The following TMC1 variants were observed in gnomAD, a reference collection of about 807,000 sequenced individuals.
The protein encoded by TMC1 is transmembrane channel-like protein 1.
Under a neutral mutation model 105.8 loss-of-function variants are expected in TMC1, and 84 were observed. The observed-to-expected ratio is 0.79, with a 90% CI of 0.67 to 0.95. The LOEUF is 0.95. TMC1 is among the 40% of genes least tolerant of loss of function. TMC1 has a pLI of 0.00. For missense variants in TMC1, 817 were observed against 914.1 expected, an observed-to-expected ratio of 0.89 and a Z score of 1.37; for synonymous variants, 315 against 311.5, an observed-to-expected ratio of 1.01 and a Z score of -0.12.
intron 7 of TMC1, among the ~76,000 whole-genome samples, chr9:72,695,862 A>T (rs1422204884): frequency 6.6e-6 from 1 of 152,038 alleles, no homozygotes; most frequent in Non-Finnish European, 1.5e-5. Context: ...TTGCTTTTAA[A>T]TTTTGACTCT....
At chr9:72,598,077 A>G (rs557914124) in intron 2 of TMC1, among the ~76,000 whole-genome samples, 4 of 152,224 alleles carry the variant, frequency 2.6e-5, no homozygotes, top group Non-Finnish European at 4.4e-5. Flanking sequence ...GATATTGTCA[A>G]TGGAAAATGG....
intron 2 of TMC1, among the ~76,000 whole-genome samples, chr9:72,580,557 A>AGTGTGTGT (rs112783067): frequency 2.0e-4 from 30 of 150,102 alleles, no homozygotes; most frequent in South Asian, 8.4e-4. Context: ...ACAGTGAAGC[A>AGTGTGTGT]GTGTGTGTGT....
intron 21 of TMC1, 57 bp from the exon 22 acceptor site, chr9:72,830,394 A>T: frequency 8.7e-7 from 1 of 1,150,734 alleles, no homozygotes; most frequent in Non-Finnish European, 1.3e-6. Flanking sequence ...AAATTTAAGA[A>T]GTATCTTGGG....
rs114761985 is a variant in TMC1, at chr9:72,539,331, A to G, written c.-428+17418A>G. On this transcript the variant is annotated intron_variant, in intron 1 of 23. Coordinates refer to ENST00000297784, the MANE Select transcript of TMC1 (RefSeq NM_138691.3). ...TGAGGTGGGAGAATGACCTCAGCCT[A>G]GGAGATGGAGGTTTCAATGATCCTA... is the stretch of plus-strand genomic sequence containing the variant. 4.2e-3 allele frequency among the ~76,000 whole-genome samples: 632 copies of G among 152,186 alleles called. 5 individuals carry two copies. The highest frequency in any genetic ancestry group is 0.014 in the African/African-American group (601 of 41,536).
At position 72,584,556 on chromosome 9, in the gene TMC1, C is replaced by T. The variant is rs557053133; in HGVS notation, c.-306+6533C>T. 6.6e-5 allele frequency among the ~76,000 whole-genome samples: 10 copies of T among 151,866 alleles called. No individual in the cohort carries two copies. The East Asian group carries it at 7.8e-4, about 12-fold the overall frequency. Reference sequence around the variant, plus strand: ...TGTTGAGATTACAGGCATGAGCCACCGCACCCAGCATAATGTCATCAAATT... The same window carrying T: ...TGTTGAGATTACAGGCATGAGCCACTGCACCCAGCATAATGTCATCAAATT... On this transcript the variant is annotated intron_variant, in intron 2 of 23. Coordinates refer to ENST00000297784, the MANE Select transcript of TMC1 (RefSeq NM_138691.3).
intron 1 of TMC1, among the ~76,000 whole-genome samples, chr9:72,559,643 A>G (rs1259665198): frequency 6.6e-6 from 1 of 152,180 alleles, no homozygotes; most frequent in African/African-American, 2.4e-5. Context: ...AAAGGAACAA[A>G]CTTATCGGAT....
At chr9:72,586,427 C>T (rs1246474490) in intron 2 of TMC1, among the ~76,000 whole-genome samples, 3 of 152,272 alleles carry the variant, frequency 2.0e-5, no homozygotes, top group South Asian at 4.1e-4. Flanking sequence ...CTAGTTCTGT[C>T]CTGTGTGGAT....
intron 1 of TMC1, among the ~76,000 whole-genome samples, chr9:72,551,104 C>T (rs1823853733): frequency 6.6e-6 from 1 of 152,048 alleles, no homozygotes; most frequent in Non-Finnish European, 1.5e-5. Flanking sequence ...ATGCAAGTGA[C>T]CTTAAATTGG....
At chr9:72,717,926 A>G (rs1360685614) in intron 8 of TMC1, among the ~76,000 whole-genome samples, 1 of 151,956 alleles carries the variant, frequency 6.6e-6, no homozygotes, top group Non-Finnish European at 1.5e-5. Context: ...TAGGGACTCC[A>G]CTTATTCTTA....
At chr9:72,672,851 CA>C (rs941912214) in intron 5 of TMC1, among the ~76,000 whole-genome samples, 4 of 150,536 alleles carry the variant, frequency 2.7e-5, no homozygotes, top group African/African-American at 9.9e-5. Context: ...CACACACACA[CA>C]CACACACACA....
At chr9:72,632,200 GAGAA>G (rs1467687355) in intron 4 of TMC1, among the ~76,000 whole-genome samples, 1 of 152,030 alleles carries the variant, frequency 6.6e-6, no homozygotes, top group Non-Finnish European at 1.5e-5. Flanking sequence ...GAGAGAGAGA[GAGAA>G]AGAGAGAGAG....
chr9:72,566,573 G>A (rs1824158273), intron 1 of TMC1, among the ~76,000 whole-genome samples: 1 of 152,148 alleles, frequency 6.6e-6, no homozygotes, highest in South Asian at 2.1e-4. Context: ...TTGTGGAAAG[G>A]GGGAGACCAA....
intron 7 of TMC1, among the ~76,000 whole-genome samples, chr9:72,696,718 G>A (rs1478071311): frequency 6.6e-6 from 1 of 152,170 alleles, no homozygotes; most frequent in Non-Finnish European, 1.5e-5. Flanking sequence ...ACATTTTGGA[G>A]TATTTCCAGT....
chr9:72,732,565 CAAAA>C (rs57237757), intron 8 of TMC1, among the ~76,000 whole-genome samples: 3 of 88,026 alleles, frequency 3.4e-5, no homozygotes, highest in Non-Finnish European at 6.9e-5. Flanking sequence ...GTCTCTGTCT[CAAAA>C]AAAAAAAAAA....
intron 3 of TMC1, among the ~76,000 whole-genome samples, chr9:72,616,862 C>T (rs952213150): frequency 2.8e-4 from 43 of 152,170 alleles, no homozygotes; most frequent in Non-Finnish European, 8.8e-5. Context: ...AGCTGGCTAG[C>T]TTTCATGGGA....
rs12683125 is a variant in TMC1 at position 72,795,032 on chromosome 9, A to G, written c.1566+2680A>G. Among the ~76,000 whole-genome samples, 9 of 152,336 alleles carry G rather than the reference A, an allele frequency of 5.9e-5. No individual in the cohort carries two copies. In the East Asian group the frequency reaches 1.5e-3, roughly 26 times the overall value. ...AACCAAGCTGAGGAAAGAATCTTAGAACTTGAAGACTGGCTCTCTGAAATA... is the reference window on the plus strand; with the variant it reads ...AACCAAGCTGAGGAAAGAATCTTAGGACTTGAAGACTGGCTCTCTGAAATA... On this transcript the variant is annotated intron_variant, in intron 17 of 23. Transcript: ENST00000297784.
chr9:72,718,762 G>T (rs1826965583), intron 8 of TMC1, among the ~76,000 whole-genome samples: 1 of 152,116 alleles, frequency 6.6e-6, no homozygotes, highest in Non-Finnish European at 1.5e-5. Context: ...GGGGGCCCTA[G>T]AACTCCCAAG....
chr9:72,561,349 G>A (rs7866264), intron 1 of TMC1, among the ~76,000 whole-genome samples: 75,900 of 144,274 alleles, frequency 0.53, 21,013 homozygotes, highest in African/African-American at 0.71. Context: ...AAGAGAGAGA[G>A]AAAATAACTC....
At chr9:72,536,436 C>T (rs1823587121) in intron 1 of TMC1, among the ~76,000 whole-genome samples, 2 of 152,218 alleles carry the variant, frequency 1.3e-5, no homozygotes, top group East Asian at 1.9e-4. Flanking sequence ...GGGATCACGC[C>T]ATTCTCCTGC....
Sources: gnomAD v4.1 joint callset for allele counts (sites outside exome capture counted in the v4.1 genomes callset) on GRCh38, gnomAD v4.1.1 for gene constraint, MANE v1.5 for transcripts, NCBI Gene and HGNC (gene_info 2026-07-23, HGNC 2026-07-21) for gene names.